Variants in SCAF11 observed in about 807,000 individuals in gnomAD.
SCAF11 encodes the protein protein SCAF11.
SCAF11 carries 47 observed loss-of-function variants against 140.5 expected under a neutral mutation model. The observed-to-expected ratio is 0.33, with a 90% confidence interval of 0.26 to 0.43. SCAF11 has a LOEUF of 0.43. Ranked by LOEUF, SCAF11 falls within the 20% of genes least tolerant of loss-of-function variation. The pLI, the probability that SCAF11 is intolerant of heterozygous loss-of-function variation, is 1.00. For missense variants in SCAF11, 1,645 were observed against 1,705.1 expected (o/e 0.96, Z 0.62); for synonymous variants, 557 against 579.4 (o/e 0.96, Z 0.55).
intron 6 of SCAF11, among the ~76,000 whole-genome samples, chr12:45,936,052 T>G (rs2136533809): frequency 6.6e-6 from 1 of 152,232 alleles, no homozygotes; most frequent in Middle Eastern, 3.4e-3. Context: ...GATTTCTGCT[T>G]CCCCAAAGCA....
In SCAF11 at chr12:45,959,373, G is replaced by T. The variant is rs139518332; in HGVS notation, c.219+2327C>A. ...CTATCCCTTGACGTACTTAAAAATC[G>T]TAAGTTTAGAATCCTTGTCTTGTAT... On this transcript the variant is annotated intron_variant, in intron 3 of 14. Transcript: ENST00000369367. Among the ~76,000 whole-genome samples, 782 of 152,070 alleles carry T rather than the reference G, an allele frequency of 5.1e-3. 3 individuals carry two copies. The highest frequency in any genetic ancestry group is 0.018 in the African/African-American group (738 of 41,484).
chr12:45,930,923 A>AT lies in SCAF11; in HGVS notation c.841+582dup, dbSNP rs1255729890. 3 of 151,922 alleles carry AT rather than the reference A, an allele frequency of 2.0e-5. 1 individual carries two copies. Among genetic ancestry groups the AT allele is most frequent in the Non-Finnish European group, 4.4e-5 (3 of 67,972 alleles). The allele number at this position is 151,922 out of a possible 1,614,324, so 9.4% of individuals were successfully genotyped here. On this transcript the variant is annotated intron_variant, in intron 10 of 14. Transcript: ENST00000369367. Reference sequence around the variant, plus strand: ...TCTCCAAACATTTTCCGATATATTTATTTTTTAAAATTCATGTATAATGTC... The same window carrying AT: ...TCTCCAAACATTTTCCGATATATTTATTTTTTTAAAATTCATGTATAATGTC...
intron 4 of SCAF11, among the ~76,000 whole-genome samples, chr12:45,949,398 A>G (rs1312880253): frequency 6.6e-6 from 1 of 152,188 alleles, no homozygotes; most frequent in East Asian, 1.9e-4. Context: ...TTACATGTTG[A>G]GCTAATACAT....
At chr12:45,976,266 T>C (rs1321907181) in intron 1 of SCAF11, among the ~76,000 whole-genome samples, 2 of 152,150 alleles carry the variant, frequency 1.3e-5, no homozygotes, top group African/African-American at 4.8e-5. Flanking sequence ...CTAAAAACAT[T>C]AGTCAACGTC....
chr12:45,951,054 T>C (rs1448311114), intron 4 of SCAF11, among the ~76,000 whole-genome samples: 1 of 152,176 alleles, frequency 6.6e-6, no homozygotes, highest in Admixed American at 6.5e-5. Context: ...TTTTTGTTTT[T>C]TCAGGTAAGC....
At position 45,928,626 on chromosome 12, in the gene SCAF11, G is replaced by T. The variant is rs1944960882; in HGVS notation, c.1075C>A (p.Pro359Thr). 2 of 1,614,076 alleles carry T rather than the reference G, an allele frequency of 1.2e-6. No individual in the cohort carries two copies. The highest frequency in any genetic ancestry group is 2.2e-5 in the East Asian group (1 of 44,880). The part of the protein sequence containing the change: ...PGNSNPSLSV[P>T]SSAESEKQTR... ...TGCTTTTCTGACTCAGCTGAAGAGG[G>T]AACACTTAAAGATGGATTACTGTTA... is the stretch of plus-strand genomic sequence containing the variant. Residue 359 changes from proline (P) to threonine (T), a missense_variant, in exon 11 of 15, where the codon CCC becomes ACC. By Grantham distance (38) the Pro-to-Thr change is conservative. Around this residue, in one of 2 missense-constraint regions of SCAF11, gnomAD observed 1,582 missense variants for 1,609.2 expected, o/e 0.98. Transcript: ENST00000369367.
chr12:45,986,257 G>C (rs1304108584), intron 1 of SCAF11, among the ~76,000 whole-genome samples: 2 of 152,082 alleles, frequency 1.3e-5, no homozygotes, highest in South Asian at 4.1e-4. Context: ...AGCTCCAAAG[G>C]TACTTTAAGC....
intron 1 of SCAF11, among the ~76,000 whole-genome samples, chr12:45,984,757 T>C (rs545590544): frequency 1.0e-4 from 15 of 149,564 alleles, no homozygotes; most frequent in Non-Finnish European, 2.1e-4. Flanking sequence ...TGCAGTGTGG[T>C]GATCTTGGCC....
rs558820254 is a variant in SCAF11 at position 45,926,773 on chromosome 12, T to A, written c.2928A>T (p.Arg976Ser). 213 of 1,614,176 alleles carry A rather than the reference T, an allele frequency of 1.3e-4. 4 individuals are homozygous for A. In the South Asian group the frequency reaches 2.3e-3, roughly 17 times the overall value. ...WKGRWANDGW[R>S]CPRGNDRYRK... is the part of the protein sequence containing the mutation. The stretch of plus-strand genomic sequence containing the variant: ...TGTACCGATCATTTCCTCGTGGACA[T>A]CTCCAACCATCATTTGCCCATCTTC... The change falls in exon 11 of 15, where the codon AGA (arginine) becomes AGT (serine). Residue 976 changes from arginine (R) to serine (S), a missense_variant. Transcript: ENST00000369367.
chr12:45,940,244 A>G (rs1945265953), intron 6 of SCAF11, among the ~76,000 whole-genome samples: 1 of 151,828 alleles, frequency 6.6e-6, no homozygotes, highest in South Asian at 2.1e-4. Context: ...AACCTGAAGG[A>G]AAAAAAAATC....
At chr12:45,945,117 A>C (rs1440232980) in intron 6 of SCAF11, 132 bp downstream of exon 6, 2 of 656,246 alleles carry the variant, frequency 3.0e-6, no homozygotes, top group African/African-American at 3.8e-5. Context: ...TTTATGTAGG[A>C]TTTAACACAA....
At chr12:45,974,588 A>C in intron 1 of SCAF11, 1 of 177,464 alleles carries the variant, frequency 5.6e-6, no homozygotes, top group Admixed American at 5.7e-5. Context: ...CTAAGAAACA[A>C]CTCTTCATTC....
At chr12:45,989,722 G>T (rs1432058989) in intron 1 of SCAF11, among the ~76,000 whole-genome samples, 1 of 152,148 alleles carries the variant, frequency 6.6e-6, no homozygotes, top group Non-Finnish European at 1.5e-5. Context: ...AAACACTGGG[G>T]GTGGATGAGT....
chr12:45,967,622 C>A (rs1945982126), intron 1 of SCAF11, among the ~76,000 whole-genome samples: 2 of 152,182 alleles, frequency 1.3e-5, no homozygotes, highest in African/African-American at 4.8e-5. Context: ...CCAGCCTGGG[C>A]AACAGAGTGA....
chr12:45,961,578 A>C lies in SCAF11; in HGVS notation c.219+122T>G, dbSNP rs1945831228. Reference sequence around the variant, plus strand: ...TGACAGAATTTGAATAATACAAGGAAATTTGTCCAAAGTAGGAAGAAAATA... The same window carrying C: ...TGACAGAATTTGAATAATACAAGGACATTTGTCCAAAGTAGGAAGAAAATA... On this transcript the variant is annotated intron_variant, in intron 3 of 14. Transcript: ENST00000369367. The C allele has an allele frequency of 6.1e-6, 5 of 817,214 alleles. No homozygotes were observed. The East Asian group carries it at 1.4e-4, about 22-fold the overall frequency. The allele number at this position is 817,214 out of a possible 1,614,324, so 50.6% of individuals were successfully genotyped here. A position where few individuals can be genotyped will look rare whatever the true frequency, so the allele number is the denominator to read the frequency against.
At chr12:45,954,677 T>A (rs936809175) in intron 3 of SCAF11, 3 of 150,836 alleles carry the variant, frequency 2.0e-5, no homozygotes, top group Admixed American at 2.0e-4. Flanking sequence ...CTCAAGCAAT[T>A]CTTCCACTTT....
intron 1 of SCAF11, among the ~76,000 whole-genome samples, chr12:45,981,372 A>G (rs1364115317): frequency 6.6e-6 from 1 of 152,240 alleles, no homozygotes; most frequent in Non-Finnish European, 1.5e-5. Flanking sequence ...GAACAGTCTT[A>G]CAAATCCATG....
At chr12:45,956,402 C>T (rs1253685217) in intron 3 of SCAF11, among the ~76,000 whole-genome samples, 1 of 152,122 alleles carries the variant, frequency 6.6e-6, no homozygotes, top group Non-Finnish European at 1.5e-5. Flanking sequence ...TATTTTAAAG[C>T]TATTTTCCAG....
intron 6 of SCAF11, among the ~76,000 whole-genome samples, chr12:45,944,088 G>C (rs1945366992): frequency 6.6e-6 from 1 of 152,076 alleles, no homozygotes; most frequent in African/African-American, 2.4e-5. Flanking sequence ...ACTAAGACTA[G>C]CATAATTTAG....
Sources: allele counts gnomAD v4.1 joint callset (sites outside exome capture counted in the v4.1 genomes callset), GRCh38; gene constraint gnomAD v4.1.1; regional missense constraint gnomAD v4.1.1; transcripts MANE v1.5; gene names NCBI Gene and HGNC (gene_info 2026-07-23, HGNC 2026-07-21).